Variants in EPS15L1 observed in about 807,000 individuals in gnomAD.
The protein encoded by EPS15L1 is epidermal growth factor receptor pathway substrate 15 like 1, also known as epidermal growth factor receptor substrate 15-like 1.
In EPS15L1, 43 loss-of-function variants were observed where a neutral mutation model predicts 117.1. The ratio of observed to expected loss-of-function variants is 0.37; its 90% CI spans 0.29 to 0.47. EPS15L1 has a LOEUF of 0.47. Ranked by LOEUF, EPS15L1 falls within the 20% of genes least tolerant of loss-of-function variation. The pLI is 0.99. For missense variants in EPS15L1, 981 were observed against 1,164.0 expected (o/e 0.84, Z 2.29); for synonymous variants, 459 against 470.5 (o/e 0.98, Z 0.32).
At chr19:16,411,882 A>G (rs2092709085) in intron 13 of EPS15L1, among the ~76,000 whole-genome samples, 1 of 152,042 alleles carries the variant, frequency 6.6e-6, no homozygotes, top group Non-Finnish European at 1.5e-5. Context: ...ATATTTTTGT[A>G]GAAACAGGGT....
At position 16,424,186 on chromosome 19, in the gene EPS15L1, G is replaced by C. The variant is rs144768974; in HGVS notation, c.792+897C>G. 7.6e-4 allele frequency among the ~76,000 whole-genome samples: 116 copies of C among 152,328 alleles called. No homozygotes were observed. In the East Asian group the frequency reaches 0.018, roughly 23 times the overall value. On this transcript the variant is annotated intron_variant, in intron 9 of 23. Transcript: ENST00000455140. The stretch of plus-strand genomic sequence containing the variant: ...GGGCAAAATCGGGTGGCCCTTGGGA[G>C]GCCCAGACAAGAGCATTGCTGGCCT...
intron 22 of EPS15L1, among the ~76,000 whole-genome samples, chr19:16,372,730 C>T (rs914947351): frequency 1.3e-5 from 2 of 152,252 alleles, no homozygotes; most frequent in African/African-American, 2.4e-5. Context: ...AGCACGTCAC[C>T]GTGCAAGGCG....
intron 1 of EPS15L1, among the ~76,000 whole-genome samples, chr19:16,450,210 G>GCACTC (rs2093126427): frequency 6.6e-6 from 1 of 152,100 alleles, no homozygotes; most frequent in Non-Finnish European, 1.5e-5. Flanking sequence ...TCGTGCTACT[G>GCACTC]CACTCCAGCC....
intron 13 of EPS15L1, among the ~76,000 whole-genome samples, chr19:16,411,523 C>T (rs797012378): frequency 5.9e-5 from 9 of 152,234 alleles, no homozygotes; most frequent in South Asian, 2.1e-4. Context: ...TTAATCAACA[C>T]GGTGATTATG....
chr19:16,471,258 G>C lies in EPS15L1; in HGVS notation c.33+655C>G, dbSNP rs1009176253. Among the ~76,000 whole-genome samples the C allele has an allele frequency of 7.2e-5, 11 of 152,232 alleles. No homozygotes were observed. In the East Asian group the frequency reaches 7.7e-4, roughly 11 times the overall value. The stretch of plus-strand genomic sequence containing the variant: ...CCAACGCACATTTGAGGGATGGATA[G>C]AAAATGAATGAATGAAAGTCTCTCC... On this transcript the variant is annotated intron_variant, in intron 1 of 23. Coordinates refer to ENST00000455140, the MANE Select transcript of EPS15L1 (RefSeq NM_001258374.3). This position sits in a 1 kb window ranked among gnomAD's most constrained non-coding sequence, Gnocchi z 4.8.
At position 16,405,349 on chromosome 19, in the gene EPS15L1, C is replaced by A. The variant is rs907409817; in HGVS notation, c.1267-600G>T. On this transcript the variant is annotated intron_variant, in intron 13 of 23. Coordinates refer to ENST00000455140, the MANE Select transcript of EPS15L1 (RefSeq NM_001258374.3). The surrounding 1 kb of genome is among the most constrained non-coding windows in gnomAD (Gnocchi z 4.0). ...CCCACAGGCCACGCCAAGGAGACTG[C>A]GCTGGGCTCTGTGGTGGGGAGCCCG... Among the ~76,000 whole-genome samples the A allele has an allele frequency of 3.3e-5, 5 of 152,164 alleles. No individual in the cohort carries two copies. Among genetic ancestry groups the A allele is most frequent in the Admixed American group, 2.6e-4 (4 of 15,290 alleles).
intron 13 of EPS15L1, among the ~76,000 whole-genome samples, chr19:16,407,215 C>G (rs1256453763): frequency 6.6e-6 from 1 of 152,216 alleles, no homozygotes; most frequent in Non-Finnish European, 1.5e-5. Context: ...CACCACTTCT[C>G]TAAGAGGGTT....
chr19:16,364,829 C>T (rs529427726), intron 22 of EPS15L1, among the ~76,000 whole-genome samples: 1 of 152,194 alleles, frequency 6.6e-6, no homozygotes, highest in Non-Finnish European at 1.5e-5. Context: ...ACCCTCCCGT[C>T]CCTAGAAGCC....
chr19:16,389,571 T>G (rs1056624079), intron 19 of EPS15L1, among the ~76,000 whole-genome samples: 3 of 152,174 alleles, frequency 2.0e-5, no homozygotes, highest in African/African-American at 7.2e-5. Context: ...CAGTAACAAA[T>G]GAAGAGTATC....
chr19:16,435,126 A>T (rs2092966604), intron 6 of EPS15L1: 1 of 151,948 alleles, frequency 6.6e-6, no homozygotes, highest in South Asian at 2.1e-4. Flanking sequence ...TAATTTTTGT[A>T]TTTTTTGTAG....
chr19:16,409,395 GAAGAA>G (rs2092686193), intron 13 of EPS15L1, among the ~76,000 whole-genome samples: 1 of 152,094 alleles, frequency 6.6e-6, no homozygotes, highest in African/African-American at 2.4e-5. Context: ...AAAACTCTTA[GAAGAA>G]AACACAGGGA....
At chr19:16,433,311 T>C (rs549773214) in intron 7 of EPS15L1, among the ~76,000 whole-genome samples, 1 of 150,764 alleles carries the variant, frequency 6.6e-6, no homozygotes, top group African/African-American at 2.4e-5. Context: ...TATTTTTTTT[T>C]AGTAGAGACA....
intron 21 of EPS15L1, among the ~76,000 whole-genome samples, chr19:16,379,778 T>C (rs1220809761): frequency 6.6e-6 from 1 of 151,178 alleles, no homozygotes; most frequent in African/African-American, 2.4e-5. Flanking sequence ...GTCACACCAG[T>C]GCAGAGGTCT....
At chr19:16,376,762 A>G (rs1342267103) in intron 22 of EPS15L1, among the ~76,000 whole-genome samples, 1 of 152,244 alleles carries the variant, frequency 6.6e-6, no homozygotes, top group Non-Finnish European at 1.5e-5. Context: ...GCTGCCGGCC[A>G]TGAGTGGCTC....
chr19:16,431,492 T>A (rs2092927189), intron 7 of EPS15L1, among the ~76,000 whole-genome samples: 1 of 151,752 alleles, frequency 6.6e-6, no homozygotes. Context: ...TTAGTAGAGA[T>A]GGGGCTTCAC....
chr19:16,417,899 C>T (rs771570141), intron 11 of EPS15L1, 49 bp downstream of exon 11: 27 of 1,572,370 alleles, frequency 1.7e-5, no homozygotes, highest in Non-Finnish European at 2.1e-5. Flanking sequence ...TGGTGGCAGG[C>T]GGTGGGAAGG....
intron 1 of EPS15L1, among the ~76,000 whole-genome samples, chr19:16,448,484 CACACCATT>C (rs370254755): frequency 5.1e-4 from 74 of 145,606 alleles, no homozygotes; most frequent in African/African-American, 1.9e-3. Flanking sequence ...GAGCCGAGAT[CACACCATT>C]GCACCATTGC....
At chr19:16,396,920 G>C (rs1210532131) in intron 16 of EPS15L1, among the ~76,000 whole-genome samples, 4 of 152,014 alleles carry the variant, frequency 2.6e-5, no homozygotes. Flanking sequence ...CAGTGACGAA[G>C]TAGAACAGTG....
At chr19:16,450,410 C>A (rs1248544405) in intron 1 of EPS15L1, among the ~76,000 whole-genome samples, 2 of 152,046 alleles carry the variant, frequency 1.3e-5, no homozygotes, top group East Asian at 3.8e-4. Flanking sequence ...CTGTGTCATG[C>A]CCCACTGCAG....
Sources: allele counts gnomAD v4.1 joint callset (sites outside exome capture counted in the v4.1 genomes callset), GRCh38; gene constraint gnomAD v4.1.1; non-coding constraint Gnocchi (gnomAD v3.1); transcripts MANE v1.5; gene names NCBI Gene and HGNC (gene_info 2026-07-23, HGNC 2026-07-21).